PABPC1L: variants seen among roughly 807,000 people sequenced by gnomAD.
PABPC1L encodes poly(A) binding protein cytoplasmic 1 like, also known as polyadenylate-binding protein 1-like.
Under a neutral mutation model 66.6 loss-of-function variants are expected in PABPC1L, and 31 were observed. The observed-to-expected ratio is 0.47, with a 90% CI of 0.35 to 0.63. The LOEUF (loss-of-function observed/expected upper bound fraction) is 0.63. Ranked by LOEUF, PABPC1L falls within the 20% of genes least tolerant of loss-of-function variation. The pLI is 0.00. For missense variants in PABPC1L, 722 were observed against 848.8 expected (o/e 0.85, Z 1.86); for synonymous variants, 348 against 335.1 (o/e 1.04, Z -0.42).
intron 7 of PABPC1L, among the ~76,000 whole-genome samples, chr20:44,926,609 C>T (rs1337626412): frequency 2.0e-5 from 3 of 150,740 alleles, no homozygotes; most frequent in Non-Finnish European, 4.4e-5. Flanking sequence ...TGCAATGGCG[C>T]GATCTTGGCT....
intron 1 of PABPC1L, 110 bp from the exon 2 acceptor site, chr20:44,912,550 G>C: frequency 1.1e-6 from 1 of 939,024 alleles, no homozygotes; most frequent in Non-Finnish European, 1.6e-6. Flanking sequence ...CTGGGACCCA[G>C]ACAATGACTT....
chr20:44,937,219 T>C (rs750181774), intron 12 of PABPC1L: 26 of 346,786 alleles, frequency 7.5e-5, no homozygotes, highest in Non-Finnish European at 1.4e-4. Flanking sequence ...CAATTCATCT[T>C]CACCCCTAGT....
chr20:44,916,046 CA>C (rs1359334952), intron 2 of PABPC1L, among the ~76,000 whole-genome samples: 1 of 151,928 alleles, frequency 6.6e-6, no homozygotes, highest in Non-Finnish European at 1.5e-5. Flanking sequence ...TGTAACCTAC[CA>C]CATTCTCTTC....
chr20:44,917,531 T>C (rs1009006407), intron 3 of PABPC1L, among the ~76,000 whole-genome samples: 1 of 152,064 alleles, frequency 6.6e-6, no homozygotes, highest in Non-Finnish European at 1.5e-5. Flanking sequence ...TTGTGTTTCA[T>C]GAGATTTTGG....
At chr20:44,937,084 C>G (rs575691924) in intron 12 of PABPC1L, 6 of 457,658 alleles carry the variant, frequency 1.3e-5, no homozygotes, top group South Asian at 9.7e-5. Context: ...GTTAAAGTTC[C>G]TCACACCTCT....
chr20:44,930,245 C>T (rs943503446), intron 7 of PABPC1L, among the ~76,000 whole-genome samples: 3 of 151,896 alleles, frequency 2.0e-5, no homozygotes, highest in Non-Finnish European at 4.4e-5. Context: ...TGGGGGTGCA[C>T]GCTACATCCC....
rs747312548 is a variant in PABPC1L, at chr20:44,916,776, C to T, written c.408C>T (p.Gly136=). 6 of 1,614,106 alleles carry T rather than the reference C, an allele frequency of 3.7e-6. No individual in the cohort carries two copies. The East Asian group carries it at 1.1e-4, about 30-fold the overall frequency. ...LSCKVACDEH[G]SRGFGFVHFE... is the part of the protein sequence containing the mutation. ...CCCAGGTGGCGTGTGACGAGCATGGCTCCCGGGGTTTCGGCTTTGTCCATT... is the reference window on the plus strand; with the variant it reads ...CCCAGGTGGCGTGTGACGAGCATGGTTCCCGGGGTTTCGGCTTTGTCCATT... The change falls in exon 3 of 15, where the codon GGC becomes GGT. Residue 136 remains glycine, a synonymous_variant. Coordinates refer to ENST00000217073, the MANE Select transcript of PABPC1L (RefSeq NM_001372179.1).
rs1025442282 is a variant in PABPC1L, at chr20:44,914,455, G to A, written c.387+1602G>A. 9.9e-5 allele frequency among the ~76,000 whole-genome samples: 15 copies of A among 152,162 alleles called. No individual in the cohort carries two copies. The South Asian group carries it at 1.5e-3, about 15-fold the overall frequency. On this transcript the variant is annotated intron_variant, in intron 2 of 14. Coordinates refer to ENST00000217073, the MANE Select transcript of PABPC1L (RefSeq NM_001372179.1). ...GATCTCCTGACCTTGTGATCCGCCC[G>A]CCTCAGTCTCCCAAAGTGCTGGGAT... is the stretch of plus-strand genomic sequence containing the variant.
At chr20:44,924,295 TCCATCCTCTCACCA>T in intron 7 of PABPC1L, 39 bp downstream of exon 7, 1 of 1,437,916 alleles carries the variant, frequency 7.0e-7, no homozygotes, top group Non-Finnish European at 9.8e-7. Flanking sequence ...AGCGTTCCCC[TCCATCCTCTCACCA>T]CCATCCCCCC....
intron 8 of PABPC1L, 88 bp downstream of exon 8, chr20:44,930,814 G>A: frequency 2.7e-6 from 4 of 1,504,956 alleles, no homozygotes; most frequent in Non-Finnish European, 3.5e-6. Flanking sequence ...GGGAAATGGA[G>A]GTTTCTAACT....
chr20:44,938,245 G>A (rs1601129819), intron 13 of PABPC1L, 54 bp downstream of exon 13: 49 of 1,585,816 alleles, frequency 3.1e-5, no homozygotes, highest in Non-Finnish European at 4.0e-5. Flanking sequence ...GAGAGCTAAC[G>A]ACAAGGGCTC....
intron 7 of PABPC1L, among the ~76,000 whole-genome samples, chr20:44,929,868 C>T (rs1372396761): frequency 1.3e-5 from 2 of 151,808 alleles, no homozygotes. Context: ...TAAAGTTACT[C>T]CAAAGTAAAA....
chr20:44,923,610 CAA>C (rs1187867310), intron 6 of PABPC1L, among the ~76,000 whole-genome samples: 1 of 147,618 alleles, frequency 6.8e-6, no homozygotes, highest in East Asian at 2.0e-4. Context: ...GCCTAGGCAA[CAA>C]GAGCAAAAAT....
chr20:44,913,255 T>C (rs573542539), intron 2 of PABPC1L, among the ~76,000 whole-genome samples: 1 of 152,328 alleles, frequency 6.6e-6, no homozygotes, highest in Non-Finnish European at 1.5e-5. Context: ...CTGGAACATC[T>C]TGGCTTTCCT....
intron 2 of PABPC1L, among the ~76,000 whole-genome samples, chr20:44,914,204 C>CT (rs1201412446): frequency 0.012 from 1,335 of 114,300 alleles, 48 homozygotes; most frequent in African/African-American, 0.034. Context: ...TGTGTCAGAA[C>CT]TTTTTTTTTT....
At chr20:44,921,024 G>A (rs1805539109) in intron 5 of PABPC1L, among the ~76,000 whole-genome samples, 1 of 151,248 alleles carries the variant, frequency 6.6e-6, no homozygotes, top group Admixed American at 6.6e-5. Context: ...AGTTGGCCAG[G>A]CTGGTTTCGA....
chr20:44,937,163 G>A (rs6094057), intron 12 of PABPC1L: 77,072 of 361,154 alleles, frequency 0.21, 8,694 homozygotes, highest in Admixed American at 0.3. Context: ...GCATCTGTGC[G>A]TTTGGTAAAT....
intron 7 of PABPC1L, among the ~76,000 whole-genome samples, chr20:44,924,674 AT>A (rs1226070543): frequency 1.3e-5 from 2 of 152,052 alleles, no homozygotes; most frequent in Non-Finnish European, 2.9e-5. Context: ...GTTCTTCCCT[AT>A]TTCTGGAGCA....
intron 8 of PABPC1L, among the ~76,000 whole-genome samples, chr20:44,931,297 C>G (rs2066858188): frequency 6.6e-6 from 1 of 151,472 alleles, no homozygotes; most frequent in Non-Finnish European, 1.5e-5. Flanking sequence ...CCACTGTAGC[C>G]TCCTGAGTAG....
Sources: gnomAD v4.1 joint callset for allele counts (sites outside exome capture counted in the v4.1 genomes callset) on GRCh38, gnomAD v4.1.1 for gene constraint, MANE v1.5 for transcripts, NCBI Gene and HGNC (gene_info 2026-07-23, HGNC 2026-07-21) for gene names.